The following NEMP1 variants were observed in gnomAD, a reference collection of about 807,000 sequenced individuals.
The protein encoded by NEMP1 is transmembrane protein 194.
In NEMP1, 29 loss-of-function variants were observed where a neutral mutation model predicts 53.7. The ratio of observed to expected loss-of-function variants is 0.54; its 90% CI spans 0.40 to 0.74. NEMP1 has a LOEUF of 0.74. NEMP1 is among the 30% of genes least tolerant of loss of function. The pLI, the probability that NEMP1 is intolerant of heterozygous loss-of-function variation, is 0.00. For synonymous variants in NEMP1, 193 were observed against 192.9 expected (o/e 1.00, Z 0.00); for missense variants, 477 against 528.6 (o/e 0.90, Z 0.96).
At chr12:57,076,792 G>A (rs2032641199) in intron 1 of NEMP1, among the ~76,000 whole-genome samples, 1 of 150,732 alleles carries the variant, frequency 6.6e-6, no homozygotes, top group African/African-American at 2.4e-5. Context: ...CAACGAGGGC[G>A]AAACTCTGTC....
intron 1 of NEMP1, among the ~76,000 whole-genome samples, chr12:57,074,951 A>T (rs991482440): frequency 6.6e-6 from 1 of 152,056 alleles, no homozygotes; most frequent in African/African-American, 2.4e-5. Flanking sequence ...TCAGCTGGGC[A>T]TGGTGGCGGG....
intron 4 of NEMP1, among the ~76,000 whole-genome samples, chr12:57,066,490 C>T (rs887435804): frequency 6.6e-6 from 1 of 152,200 alleles, no homozygotes; most frequent in East Asian, 1.9e-4. Context: ...GCTGTTCTCA[C>T]TAAGCATAAT....
chr12:57,064,415 A>T (rs982927319), intron 5 of NEMP1, among the ~76,000 whole-genome samples: 2 of 152,218 alleles, frequency 1.3e-5, no homozygotes, highest in African/African-American at 4.8e-5. Flanking sequence ...TAATTAAAAA[A>T]CAGGAAGCAG....
At chr12:57,072,978 A>T in intron 1 of NEMP1, 66 bp from the exon 2 acceptor site, 1 of 1,438,672 alleles carries the variant, frequency 7.0e-7, no homozygotes, top group Non-Finnish European at 9.3e-7. Flanking sequence ...CATTTCATGA[A>T]AAAGATTAAA....
chr12:57,083,660 T>C (rs115733738), upstream of NEMP1, among the ~76,000 whole-genome samples: 151 of 152,350 alleles, frequency 9.9e-4, no homozygotes, highest in African/African-American at 3.0e-3. Context: ...CTGTGGTAAG[T>C]GAAAGATGGA....
upstream of NEMP1, among the ~76,000 whole-genome samples, chr12:57,080,512 G>T (rs2032814908): frequency 6.7e-6 from 1 of 150,234 alleles, no homozygotes; most frequent in South Asian, 2.1e-4. Flanking sequence ...CCAGGAGGCG[G>T]AGGCTGCAGT....
intron 6 of NEMP1, 22 bp from the exon 7 acceptor site, chr12:57,063,366 G>C (rs777185295): frequency 1.1e-5 from 17 of 1,594,948 alleles, no homozygotes; most frequent in Admixed American, 1.7e-5. Flanking sequence ...GTTATCAGAA[G>C]ACATTCTTTT....
rs1301512299 is a variant in NEMP1, at chr12:57,057,267, G to A, written c.*2612C>T. On this transcript the variant is annotated 3_prime_UTR_variant, in exon 9 of 9. Transcript: ENST00000300128. ...CATTCACCCAGCAAGACGCTGACGT[G>A]GCAGCAAACACGGCTCCAATGTCCA... 3 of 152,230 alleles carry A rather than the reference G, an allele frequency of 2.0e-5. No homozygotes were observed. The highest frequency in any genetic ancestry group is 7.2e-5 in the African/African-American group (3 of 41,454). 9.4% of individuals were successfully genotyped at this position (152,230 alleles called of 1,614,324 possible). A position where few individuals can be genotyped will look rare whatever the true frequency, so the allele number is the denominator to read the frequency against.
intron 7 of NEMP1, among the ~76,000 whole-genome samples, chr12:57,061,310 T>C (rs1357756502): frequency 2.0e-5 from 3 of 152,278 alleles, no homozygotes; most frequent in African/African-American, 7.2e-5. Context: ...TATTCACTAA[T>C]GTGAACAAAC....
chr12:57,058,882 A>C lies in NEMP1; in HGVS notation c.*997T>G, dbSNP rs116816197. ...GAAAAGGAGACAGTTTCCTGATTTCATAGCAACTCAAAGATAACATGACCC... is the reference window on the plus strand; with the variant it reads ...GAAAAGGAGACAGTTTCCTGATTTCCTAGCAACTCAAAGATAACATGACCC... On this transcript the variant is annotated 3_prime_UTR_variant, in exon 9 of 9. Transcript: ENST00000300128. 1 of 152,376 alleles carries C rather than the reference A, an allele frequency of 6.6e-6. No individual in the cohort carries two copies. The highest frequency in any genetic ancestry group is 2.4e-5 in the African/African-American group (1 of 41,574). 9.4% of individuals were successfully genotyped at this position (152,376 alleles called of 1,614,324 possible).
In NEMP1 at chr12:57,059,859, T is replaced by C; in HGVS notation, c.*20A>G. 6.2e-7 allele frequency: 1 copy of C among 1,609,580 alleles called. No homozygotes were observed. The highest frequency in any genetic ancestry group is 8.5e-7 in the Non-Finnish European group (1 of 1,177,668). ...GACCAAGGCACCAAGCCAGTCCACG[T>C]AAAGATAACTGACCACTACCTAGGT... On this transcript the variant is annotated 3_prime_UTR_variant, in exon 9 of 9. Transcript: ENST00000300128.
intron 4 of NEMP1, among the ~76,000 whole-genome samples, chr12:57,066,211 C>T (rs183172058): frequency 3.2e-4 from 49 of 152,198 alleles, no homozygotes; most frequent in South Asian, 6.2e-4. Flanking sequence ...GCCGAGATCA[C>T]GCCACTGCAC....
At chr12:57,061,706 A>AAC (rs2031815708) in intron 7 of NEMP1, among the ~76,000 whole-genome samples, 1 of 149,128 alleles carries the variant, frequency 6.7e-6, no homozygotes, top group African/African-American at 2.5e-5. Flanking sequence ...AAAAAAAAAA[A>AAC]AACAAAAAAA....
chr12:57,082,999 C>T (rs1473313765), upstream of NEMP1, among the ~76,000 whole-genome samples: 1 of 151,984 alleles, frequency 6.6e-6, no homozygotes, highest in Admixed American at 6.6e-5. Context: ...GCCTAGGTGA[C>T]AGAGTGAGAC....
chr12:57,061,042 G>T, intron 7 of NEMP1, 97 bp from the exon 8 acceptor site: 2 of 1,257,050 alleles, frequency 1.6e-6, no homozygotes, highest in Non-Finnish European at 1.1e-6. Context: ...ACAGCAGACA[G>T]CCTGAACATT....
rs2031766580 is a variant in NEMP1, at chr12:57,060,878, G to C, written c.1048C>G (p.Gln350Glu). 5 of 1,614,104 alleles carry C rather than the reference G, an allele frequency of 3.1e-6. No individual in the cohort carries two copies. Among genetic ancestry groups the C allele is most frequent in the Non-Finnish European group, 4.2e-6 (5 of 1,180,000 alleles). ...GCCTTTCGGGTTTCTACCTCTCCTT[G>C]TATCCGATATTCTTCTTCTGTCAGG... is the stretch of plus-strand genomic sequence containing the variant. The part of the protein sequence containing the change: ...RLLTEEEYRI[Q>E]GEVETRKALE... Residue 350 changes from glutamine to glutamate, a missense_variant, in exon 8 of 9, where the codon CAA becomes GAA. Physicochemically the swap from Gln to Glu is conservative, Grantham distance 29. Coordinates refer to ENST00000300128, the MANE Select transcript of NEMP1 (RefSeq NM_001130963.2).
chr12:57,074,997 G>A (rs1446267550), intron 1 of NEMP1, among the ~76,000 whole-genome samples: 1 of 152,162 alleles, frequency 6.6e-6, no homozygotes, highest in Admixed American at 6.5e-5. Context: ...GGCTGAGGCA[G>A]AAGAATCGCT....
Position 57,063,124 on chromosome 12 carries a change from G to A in NEMP1, c.975C>T (p.Thr325=), listed in dbSNP as rs762839235. The change falls in exon 7 of 9, where the codon ACC becomes ACT. Residue 325 remains threonine (T), a synonymous_variant. Coordinates refer to ENST00000300128, the MANE Select transcript of NEMP1 (RefSeq NM_001130963.2). ...TTACATTGCCTTTCAGTCACCTGCA[G>A]GTGATGTACAGCCACTGAATAGGGT... The part of the protein sequence containing the change: ...LEHPIQWLYI[T]CRKVCKGAEK... 14 of 1,611,202 alleles carry A rather than the reference G, an allele frequency of 8.7e-6. No individual in the cohort carries two copies. Among genetic ancestry groups the A allele is most frequent in the Non-Finnish European group, 1.2e-5 (14 of 1,177,448 alleles).
chr12:57,084,142 T>C (rs375493559), intron 1 of NEMP1, among the ~76,000 whole-genome samples: 20 of 152,226 alleles, frequency 1.3e-4, no homozygotes, highest in African/African-American at 4.8e-4. Flanking sequence ...TTTGTATTTT[T>C]AGTAGAGACG....
Sources: gnomAD v4.1 joint callset for allele counts (sites outside exome capture counted in the v4.1 genomes callset) on GRCh38, gnomAD v4.1.1 for gene constraint, MANE v1.5 for transcripts, NCBI Gene and HGNC (gene_info 2026-07-23, HGNC 2026-07-21) for gene names.